Variants in ECPAS observed in about 807,000 individuals in gnomAD.
The protein encoded by ECPAS is proteasome adapter and scaffold protein ECM29.
In ECPAS, 70 loss-of-function variants were observed where a neutral mutation model predicts 255.1. The ratio of observed to expected loss-of-function variants is 0.27; its 90% CI spans 0.23 to 0.33. ECPAS has a LOEUF of 0.33. Among genes scored for constraint, ECPAS ranks in the 10% least tolerant of loss-of-function variants. ECPAS has a pLI of 1.00. For missense variants in ECPAS, 1,817 were observed against 2,206.4 expected (o/e 0.82, Z 3.54); for synonymous variants, 784 against 775.0 (o/e 1.01, Z -0.19).
At position 111,372,468 on chromosome 9, in the gene ECPAS, ATTC is replaced by A. The variant is rs1440532852; in HGVS notation, c.4486_4488del (p.Glu1496del). 6.2e-7 allele frequency: 1 copy of A among 1,613,886 alleles called. No homozygotes were observed. Among genetic ancestry groups the A allele is most frequent in the South Asian group, 1.1e-5 (1 of 91,080 alleles). On this transcript the variant is annotated inframe_deletion, in exon 42 of 50. Coordinates refer to ENST00000684092, the MANE Select transcript of ECPAS (RefSeq NM_001364929.1). ...TGCCACACTTCGGTCCATAAATTAC[ATTC>A]TTCTTTTTCGGATTTCTCCTCATCA...
In ECPAS at chr9:111,366,249, T is replaced by G. The variant is rs765327304; in HGVS notation, c.5298A>C (p.Thr1766=). ...EILLETCKSI[T]YSLENKTYSS... is the part of the protein sequence containing the mutation. ...GTTTACTACACTCACCTAAAGAATA[T>G]GTGATTGATTTACAAGTTTCAAGCA... Residue 1766 remains threonine, a synonymous_variant, in exon 48 of 50, where the codon ACA becomes ACC. Coordinates refer to ENST00000684092, the MANE Select transcript of ECPAS (RefSeq NM_001364929.1). 5.8e-6 allele frequency: 9 copies of G among 1,564,882 alleles called. No individual in the cohort carries two copies. The highest frequency in any genetic ancestry group is 7.8e-6 in the Non-Finnish European group (9 of 1,151,818).
intron 21 of ECPAS, 166 bp downstream of exon 21, chr9:111,411,848 A>AT (rs1360955731): frequency 1.9e-5 from 11 of 567,112 alleles, no homozygotes; most frequent in Non-Finnish European, 3.2e-5. Flanking sequence ...CTGTTAAGTG[A>AT]GCTGACTGAA....
chr9:111,449,521 T>C (rs895805788), intron 3 of ECPAS, among the ~76,000 whole-genome samples: 1 of 151,988 alleles, frequency 6.6e-6, no homozygotes, highest in Non-Finnish European at 1.5e-5. Flanking sequence ...AAAAGAATAA[T>C]AGTATGATAG....
At chr9:111,371,891 C>A in intron 42 of ECPAS, 62 bp from the exon 43 acceptor site, 1 of 1,420,194 alleles carries the variant, frequency 7.0e-7, no homozygotes, top group Non-Finnish European at 9.8e-7. Flanking sequence ...TTTTTCTAAA[C>A]CTGAAAAAAA....
intron 9 of ECPAS, among the ~76,000 whole-genome samples, chr9:111,428,514 A>T (rs1439786451): frequency 6.6e-6 from 1 of 152,174 alleles, no homozygotes; most frequent in Non-Finnish European, 1.5e-5. Context: ...AATCTCTTCA[A>T]TGTTCGCCTT....
rs1401407041 is a variant in ECPAS at position 111,425,814 on chromosome 9, T to C, written c.1065A>G (p.Gly355=). 3.2e-6 allele frequency: 5 copies of C among 1,554,650 alleles called. No individual in the cohort carries two copies. The highest frequency in any genetic ancestry group is 4.4e-6 in the Non-Finnish European group (5 of 1,130,700). Residue 355 remains glycine, a synonymous_variant, in exon 11 of 50, where the codon GGA becomes GGG. Transcript: ENST00000684092. ...FPANIQVVYD[G]LFGTNTNSKL... ...TTGAATTTGTATTTGTACCAAAAAG[T>C]CCATCATACACCACCTATGTAAAAT...
chr9:111,376,077 T>C (rs1460189827), intron 37 of ECPAS, among the ~76,000 whole-genome samples: 1 of 152,178 alleles, frequency 6.6e-6, no homozygotes, highest in East Asian at 1.9e-4. Flanking sequence ...TTGCCCAATC[T>C]CTTCACATAC....
chr9:111,362,851 A>G (rs533054683), intron 49 of ECPAS, among the ~76,000 whole-genome samples: 1 of 152,240 alleles, frequency 6.6e-6, no homozygotes, highest in South Asian at 2.1e-4. Context: ...TATCTCAACA[A>G]GGAAAAAAGG....
chr9:111,394,003 C>T (rs73656240), intron 26 of ECPAS, among the ~76,000 whole-genome samples, 157 bp downstream of exon 26: 8,484 of 152,274 alleles, frequency 0.056, 575 homozygotes, highest in African/African-American at 0.15. Flanking sequence ...AATCATCTTC[C>T]AGCCTATATA....
At chr9:111,484,088 C>T (rs2132160170) in intron 1 of ECPAS, 28 bp downstream of exon 1, 1 of 1,270,270 alleles carries the variant, frequency 7.9e-7, no homozygotes. Context: ...AGGGCCAGTC[C>T]CCCGCGGCCC....
intron 6 of ECPAS, among the ~76,000 whole-genome samples, chr9:111,437,378 C>CA (rs2131878736): frequency 6.6e-6 from 1 of 152,320 alleles, no homozygotes; most frequent in South Asian, 2.1e-4. Context: ...TCATCACTCT[C>CA]AATCTATAAA....
chr9:111,373,450 A>G, intron 39 of ECPAS, 44 bp from the exon 40 acceptor site: 1 of 1,524,402 alleles, frequency 6.6e-7, no homozygotes, highest in East Asian at 2.2e-5. Context: ...TGGTTGACCA[A>G]ATGTTCCACT....
chr9:111,388,054 G>T (rs887034179), intron 31 of ECPAS, among the ~76,000 whole-genome samples: 1 of 152,266 alleles, frequency 6.6e-6, no homozygotes, highest in Admixed American at 6.5e-5. Flanking sequence ...TAGCAACTTG[G>T]TAATAATGAC....
At position 111,378,560 on chromosome 9, in the gene ECPAS, T is replaced by A; in HGVS notation, c.3954+20A>T. On this transcript the variant is annotated intron_variant, in intron 36 of 49. Coordinates refer to ENST00000684092, the MANE Select transcript of ECPAS (RefSeq NM_001364929.1). ...TCTTCCCTCATGATACTTACCAATA[T>A]GCCTGCGCTATCCACTCACCTTTTC... 1 of 1,608,266 alleles carries A rather than the reference T, an allele frequency of 6.2e-7. No homozygotes were observed. Among genetic ancestry groups the A allele is most frequent in the East Asian group, 2.2e-5 (1 of 44,778 alleles).
intron 31 of ECPAS, among the ~76,000 whole-genome samples, chr9:111,388,059 A>C (rs1004507780): frequency 1.3e-4 from 20 of 152,222 alleles, no homozygotes; most frequent in African/African-American, 4.8e-4. Context: ...ACTTGGTAAT[A>C]ATGACAAAAT....
At chr9:111,374,109 G>A in intron 38 of ECPAS, 71 bp from the exon 39 acceptor site, 2 of 1,223,386 alleles carry the variant, frequency 1.6e-6, no homozygotes, top group African/African-American at 1.5e-5. Flanking sequence ...CATTGGCTTA[G>A]GTGCCAAAAA....
intron 32 of ECPAS, among the ~76,000 whole-genome samples, chr9:111,385,699 C>T (rs758960200): frequency 4.6e-5 from 7 of 152,144 alleles, no homozygotes; most frequent in Non-Finnish European, 1.0e-4. Context: ...CACCAGTGTG[C>T]CTCCAAGGCC....
chr9:111,421,403 ACATATATG>A (rs1357884541), intron 15 of ECPAS, among the ~76,000 whole-genome samples: 19 of 137,238 alleles, frequency 1.4e-4, no homozygotes, highest in Non-Finnish European at 2.5e-4. Flanking sequence ...ATTACATATT[ACATATATG>A]TGTGTGTGTG....
chr9:111,464,571 T>C (rs997229995), intron 2 of ECPAS, among the ~76,000 whole-genome samples: 8 of 152,078 alleles, frequency 5.3e-5, no homozygotes, highest in African/African-American at 1.7e-4. Context: ...AGGAATAAAT[T>C]ATGCAGAGTC....
Sources: gnomAD v4.1 joint callset for allele counts (sites outside exome capture counted in the v4.1 genomes callset) on GRCh38, gnomAD v4.1.1 for gene constraint, MANE v1.5 for transcripts, NCBI Gene and HGNC (gene_info 2026-07-23, HGNC 2026-07-21) for gene names.